Variants in XCR1 observed in about 807,000 individuals in gnomAD.
The protein encoded by XCR1 is X-C motif chemokine receptor 1.
For synonymous variants in XCR1, 187 were observed against 188.5 expected, an observed-to-expected ratio of 0.99 and a Z score of 0.06; for missense variants, 356 against 424.2, an observed-to-expected ratio of 0.84 and a Z score of 1.41.
intron 5 of XCR1, among the ~76,000 whole-genome samples, chr3:46,037,502 T>TA (rs1181772194): frequency 1.3e-5 from 2 of 152,140 alleles, no homozygotes; most frequent in African/African-American, 4.8e-5. Flanking sequence ...ACTAGTTATT[T>TA]AAAAAAGAAA....
At chr3:46,047,924 C>G (rs1406723368) in intron 5 of XCR1, among the ~76,000 whole-genome samples, 2 of 152,148 alleles carry the variant, frequency 1.3e-5, no homozygotes, top group African/African-American at 4.8e-5. Flanking sequence ...GGGGTAGGAA[C>G]TATTGAAGGG....
intron 5 of XCR1, among the ~76,000 whole-genome samples, chr3:46,045,390 A>T (rs974499220): frequency 6.8e-6 from 1 of 147,228 alleles, no homozygotes; most frequent in Non-Finnish European, 1.5e-5. Flanking sequence ...CCATCTTGGG[A>T]AAAAAAAAAA....
chr3:46,057,284 C>G (rs1182448641), intron 4 of XCR1, among the ~76,000 whole-genome samples: 5 of 152,030 alleles, frequency 3.3e-5, no homozygotes, highest in Non-Finnish European at 5.9e-5. Context: ...ATGTAAAGTT[C>G]TAGAAAATGC....
chr3:46,058,003 AT>A (rs956982241), intron 4 of XCR1, among the ~76,000 whole-genome samples: 2 of 151,624 alleles, frequency 1.3e-5, no homozygotes, highest in Admixed American at 6.6e-5. Flanking sequence ...CTTGCTACCT[AT>A]CTCCTACATC....
rs542744525 is a variant in XCR1, at chr3:46,018,148, G to C, written c.*2798C>G. The C allele has an allele frequency of 3.2e-4, 48 of 152,280 alleles. No homozygotes were observed. The highest frequency in any genetic ancestry group is 1.2e-3 in the African/African-American group (48 of 41,568). 9.4% of individuals were successfully genotyped at this position (152,280 alleles called of 1,614,324 possible). ...CTATTAGGGATGCCAAAACATCACT[G>C]GAAGTATAAAGAGTCAGATATGAAA... is the stretch of plus-strand genomic sequence containing the variant. On this transcript the variant is annotated 3_prime_UTR_variant, in exon 2 of 2. Transcript: ENST00000309285.
At chr3:46,043,315 C>T (rs1217169661) in intron 5 of XCR1, among the ~76,000 whole-genome samples, 1 of 151,812 alleles carries the variant, frequency 6.6e-6, no homozygotes, top group Non-Finnish European at 1.5e-5. Flanking sequence ...TGGTCTATAT[C>T]CTATAATCCC....
intron 4 of XCR1, among the ~76,000 whole-genome samples, chr3:46,054,529 A>G (rs980451014): frequency 2.0e-5 from 3 of 147,932 alleles, no homozygotes; most frequent in African/African-American, 5.3e-5. Context: ...ATGGTAGACA[A>G]TGGACACTCA....
upstream of XCR1, among the ~76,000 whole-genome samples, chr3:46,031,716 G>T (rs1434571695): frequency 1.3e-5 from 2 of 152,224 alleles, no homozygotes; most frequent in African/African-American, 2.4e-5. Flanking sequence ...GGGACCTTTT[G>T]GTGCCTTTCC....
chr3:46,069,312 T>C (rs1348882328), intron 3 of XCR1, among the ~76,000 whole-genome samples: 4 of 152,118 alleles, frequency 2.6e-5, no homozygotes, highest in African/African-American at 9.7e-5. Context: ...AGATTGTTCT[T>C]TGAAAAGATC....
At chr3:46,061,742 G>A (rs1046927770) in intron 4 of XCR1, among the ~76,000 whole-genome samples, 1 of 152,256 alleles carries the variant, frequency 6.6e-6, no homozygotes, top group South Asian at 2.1e-4. Context: ...AGAGGATGGG[G>A]GTTAGGCGGC....
At chr3:46,024,066 C>A in intron 1 of XCR1, 1 of 961,020 alleles carries the variant, frequency 1.0e-6, no homozygotes, top group South Asian at 1.3e-5. Flanking sequence ...ACATTCCAAT[C>A]CCCAGTCTTC....
At chr3:46,037,057 A>T (rs1335283143) in intron 5 of XCR1, among the ~76,000 whole-genome samples, 1 of 152,134 alleles carries the variant, frequency 6.6e-6, no homozygotes, top group African/African-American at 2.4e-5. Context: ...CGGGAAATAT[A>T]TTTCTAAAAA....
chr3:46,048,073 T>C (rs1287583531), intron 5 of XCR1, among the ~76,000 whole-genome samples: 2 of 152,168 alleles, frequency 1.3e-5, no homozygotes, highest in South Asian at 4.1e-4. Context: ...GAGCTTGAAT[T>C]GTAAGACAGC....
chr3:46,024,557 T>C (rs1256528752), intron 1 of XCR1, among the ~76,000 whole-genome samples: 1 of 152,246 alleles, frequency 6.6e-6, no homozygotes, highest in Non-Finnish European at 1.5e-5. Flanking sequence ...ATGCAAAACC[T>C]AAATAATATG....
intron 5 of XCR1, among the ~76,000 whole-genome samples, chr3:46,038,033 T>TTTTTTG (rs1697468121): frequency 3.4e-5 from 4 of 116,764 alleles, no homozygotes; most frequent in African/African-American, 1.3e-4. Context: ...GTTTTTTGTT[T>TTTTTTG]TTTTTTTTTT....
upstream of XCR1, among the ~76,000 whole-genome samples, chr3:46,028,229 T>TG (rs1169278000): frequency 6.6e-6 from 1 of 152,030 alleles, no homozygotes; most frequent in Non-Finnish European, 1.5e-5. Flanking sequence ...AGCTCACCAG[T>TG]GGGGGGAGTA....
chr3:46,022,242 C>T, intron 1 of XCR1: 1 of 319,544 alleles, frequency 3.1e-6, no homozygotes, highest in Non-Finnish European at 5.7e-6. Context: ...GAGGGCGAGA[C>T]TGCAGAGAGC....
At chr3:46,036,033 A>G (rs4411920) in intron 5 of XCR1, among the ~76,000 whole-genome samples, 66,575 of 152,118 alleles carry the variant, frequency 0.44, 16,675 homozygotes, top group African/African-American at 0.69. Flanking sequence ...TGCAGTGGTC[A>G]GACTGTGTTT....
intron 5 of XCR1, among the ~76,000 whole-genome samples, chr3:46,050,205 G>A (rs910597741): frequency 2.0e-5 from 3 of 152,200 alleles, no homozygotes; most frequent in South Asian, 2.1e-4. Context: ...TCTACAAGCC[G>A]TAATTCGGCT....
Sources: gnomAD v4.1 joint callset for allele counts (sites outside exome capture counted in the v4.1 genomes callset) on GRCh38, gnomAD v4.1.1 for gene constraint, MANE v1.5 for transcripts, NCBI Gene and HGNC (gene_info 2026-07-23, HGNC 2026-07-21) for gene names.